The following ARID4A variants were observed in gnomAD, a reference collection of about 807,000 sequenced individuals.
The protein encoded by ARID4A is AT-rich interaction domain 4A.
A neutral mutation model predicts 148.6 loss-of-function variants in ARID4A; 39 were observed. The observed-to-expected ratio is 0.26, with a 90% CI of 0.20 to 0.34. The LOEUF (loss-of-function observed/expected upper bound fraction) is 0.34. Among genes scored for constraint, ARID4A ranks in the 10% least tolerant of loss-of-function variants. The pLI is 1.00. For synonymous variants in ARID4A, 475 were observed against 481.2 expected (o/e 0.99, Z 0.17); for missense variants, 1,265 against 1,449.1 (o/e 0.87, Z 2.06).
At chr14:58,344,866 T>A (rs2034280159) in intron 12 of ARID4A, 99 bp downstream of exon 12, 3 of 866,568 alleles carry the variant, frequency 3.5e-6, no homozygotes, top group Non-Finnish European at 5.4e-6. Flanking sequence ...TAAACAGTTT[T>A]GGATTTTATT....
At chr14:58,342,746 C>G (rs1163728166) in intron 11 of ARID4A, among the ~76,000 whole-genome samples, 1 of 152,088 alleles carries the variant, frequency 6.6e-6, no homozygotes, top group Non-Finnish European at 1.5e-5. Context: ...AACCCAGTCT[C>G]TACTAAAAAT....
chr14:58,347,773 A>G lies in ARID4A; in HGVS notation c.1299A>G (p.Lys433=), dbSNP rs1429538505. The change falls in exon 15 of 24, where the codon AAA becomes AAG. Residue 433 remains lysine, a synonymous_variant. Coordinates refer to ENST00000355431, the MANE Select transcript of ARID4A (RefSeq NM_002892.4). ...AAGAATCAATGGAAGAGGCTCTCAA[A>G]TTAGATCAAGAAATGCCTTTAACAG... ...DLEESMEEAL[K]LDQEMPLTEV... is the part of the protein sequence containing the mutation. The G allele has an allele frequency of 1.9e-6, 3 of 1,613,794 alleles. No individual in the cohort carries two copies. The highest frequency in any genetic ancestry group is 2.5e-6 in the Non-Finnish European group (3 of 1,179,836).
intron 12 of ARID4A, among the ~76,000 whole-genome samples, chr14:58,345,390 T>G (rs1472498289): frequency 6.6e-6 from 1 of 152,186 alleles, no homozygotes; most frequent in South Asian, 2.1e-4. Flanking sequence ...ACCCACTAAT[T>G]ACTAATGCTA....
chr14:58,330,477 A>G (rs1009019490), intron 11 of ARID4A, among the ~76,000 whole-genome samples: 4 of 152,194 alleles, frequency 2.6e-5, no homozygotes, highest in African/African-American at 9.6e-5. Context: ...TAGGTATTTT[A>G]TATGTGTAAC....
intron 17 of ARID4A, among the ~76,000 whole-genome samples, chr14:58,356,577 T>G (rs958303099): frequency 2.2e-4 from 34 of 152,148 alleles, no homozygotes; most frequent in African/African-American, 7.5e-4. Context: ...GAGTGAGAGA[T>G]AGTTTTCAAA....
intron 19 of ARID4A, among the ~76,000 whole-genome samples, chr14:58,362,226 T>C (rs1356803079): frequency 1.3e-5 from 2 of 152,054 alleles, no homozygotes; most frequent in Non-Finnish European, 2.9e-5. Flanking sequence ...TGAGTATAGG[T>C]GAACATATTT....
At chr14:58,340,946 T>C (rs2034089792) in intron 11 of ARID4A, among the ~76,000 whole-genome samples, 1 of 152,216 alleles carries the variant, frequency 6.6e-6, no homozygotes, top group Admixed American at 6.5e-5. Context: ...TTCACATGAG[T>C]AATGTCTAAA....
At chr14:58,322,023 T>C (rs1310197668) in intron 7 of ARID4A, among the ~76,000 whole-genome samples, 3 of 151,950 alleles carry the variant, frequency 2.0e-5, no homozygotes, top group African/African-American at 7.3e-5. Flanking sequence ...CAGACTGTAG[T>C]GTAGTGGTGC....
At position 58,339,209 on chromosome 14, in the gene ARID4A, T is replaced by C. The variant is rs117643465; in HGVS notation, c.907-5486T>C. On this transcript the variant is annotated intron_variant, in intron 11 of 23. Transcript: ENST00000355431. ...CCAGTCTGGTCTAAAACCCCTGGGC[T>C]CAAGTGATCCTCCTGCCTGGCCCTC... Among the ~76,000 whole-genome samples, 1,475 of 151,954 alleles carry C rather than the reference T, an allele frequency of 9.7e-3. 8 individuals are homozygous for C. The highest frequency in any genetic ancestry group is 0.016 in the Non-Finnish European group (1,074 of 67,966).
chr14:58,340,775 G>A lies in ARID4A; in HGVS notation c.907-3920G>A, dbSNP rs368384181. Among the ~76,000 whole-genome samples, 7 of 152,186 alleles carry A rather than the reference G, an allele frequency of 4.6e-5. 1 individual carries two copies. Among genetic ancestry groups the A allele is most frequent in the East Asian group, 1.9e-4 (1 of 5,166 alleles). The stretch of plus-strand genomic sequence containing the variant: ...GCTGGGATTACAGGCGTGAGCCACC[G>A]TGCCCGGCCCCACCTGTGTCTTAAG... On this transcript the variant is annotated intron_variant, in intron 11 of 23. Coordinates refer to ENST00000355431, the MANE Select transcript of ARID4A (RefSeq NM_002892.4).
intron 7 of ARID4A, among the ~76,000 whole-genome samples, chr14:58,319,453 A>G (rs1423533712): frequency 6.7e-6 from 1 of 150,310 alleles, no homozygotes; most frequent in African/African-American, 2.5e-5. Flanking sequence ...CTTTTACTTC[A>G]AAAACATTTC....
intron 17 of ARID4A, among the ~76,000 whole-genome samples, chr14:58,354,258 A>G (rs563269364): frequency 6.6e-6 from 1 of 152,320 alleles, no homozygotes; most frequent in Admixed American, 6.5e-5. Flanking sequence ...GCAACTTCCA[A>G]CCGTGCAAGT....
intron 5 of ARID4A, among the ~76,000 whole-genome samples, chr14:58,307,685 T>C (rs747012089): frequency 3.7e-4 from 57 of 152,096 alleles, no homozygotes; most frequent in Admixed American, 3.0e-3. Flanking sequence ...CTGGGTGTGG[T>C]GGTGGGCGTC....
chr14:58,324,182 C>T (rs2033089199), intron 8 of ARID4A, among the ~76,000 whole-genome samples: 1 of 152,132 alleles, frequency 6.6e-6, no homozygotes, highest in Admixed American at 6.5e-5. Context: ...AGATTATAGG[C>T]GTGAGCCACC....
intron 3 of ARID4A, among the ~76,000 whole-genome samples, chr14:58,303,075 C>T (rs1200755789): frequency 6.6e-6 from 1 of 151,810 alleles, no homozygotes; most frequent in Admixed American, 6.6e-5. Context: ...TTACTTTATA[C>T]TTAGATACCT....
At chr14:58,315,779 G>C (rs559659061) in intron 5 of ARID4A, among the ~76,000 whole-genome samples, 2 of 152,310 alleles carry the variant, frequency 1.3e-5, no homozygotes, top group African/African-American at 2.4e-5. Context: ...CTCAAGTGCA[G>C]ATCAGTGATG....
chr14:58,301,829 A>G, intron 3 of ARID4A, 139 bp downstream of exon 3: 1 of 508,524 alleles, frequency 2.0e-6, no homozygotes, highest in South Asian at 3.8e-5. Flanking sequence ...AAGCACATCA[A>G]AAATAAAGAA....
chr14:58,314,278 A>G (rs1350799970), intron 5 of ARID4A, among the ~76,000 whole-genome samples: 1 of 152,172 alleles, frequency 6.6e-6, no homozygotes, highest in Non-Finnish European at 1.5e-5. Flanking sequence ...CAAAAATTAT[A>G]CTCTTCAGTG....
intron 14 of ARID4A, 118 bp downstream of exon 14, chr14:58,347,235 AG>A (rs2034418639): frequency 1.9e-6 from 1 of 538,486 alleles, no homozygotes; most frequent in East Asian, 3.4e-5. Flanking sequence ...GTATATAAAA[AG>A]GTTTAGGTTG....
Sources: allele counts gnomAD v4.1 joint callset (sites outside exome capture counted in the v4.1 genomes callset), GRCh38; gene constraint gnomAD v4.1.1; transcripts MANE v1.5; gene names NCBI Gene and HGNC (gene_info 2026-07-23, HGNC 2026-07-21).